OGFOD1: variants seen among roughly 807,000 people sequenced by gnomAD.
OGFOD1 encodes 2-oxoglutarate and iron dependent oxygenase domain containing 1.
A neutral mutation model predicts 67.7 loss-of-function variants in OGFOD1; 54 were observed. That is an observed-to-expected ratio of 0.80 (90% CI 0.64 to 1.00). The LOEUF is 1.00. OGFOD1 is among the 50% of genes least tolerant of loss of function. The pLI is 0.00. For missense variants in OGFOD1, 606 were observed against 646.7 expected, an observed-to-expected ratio of 0.94 and a Z score of 0.68; for synonymous variants, 221 against 227.0, an observed-to-expected ratio of 0.97 and a Z score of 0.24.
chr16:56,451,799 G>T (rs766037731), intron 1 of OGFOD1, 33 bp downstream of exon 1: 3 of 1,609,238 alleles, frequency 1.9e-6, no homozygotes, highest in Admixed American at 1.7e-5. Context: ...GGGCCGCCAC[G>T]CAGAGGTCTA....
intron 2 of OGFOD1, chr16:56,454,648 G>T (rs1476409183): frequency 6.2e-6 from 2 of 321,378 alleles, no homozygotes; most frequent in Non-Finnish European, 1.2e-5. Context: ...TTCAAATTGG[G>T]GGGGGAAAAA....
chr16:56,476,333 T>C lies in OGFOD1; in HGVS notation c.*128T>C. On this transcript the variant is annotated 3_prime_UTR_variant, in exon 13 of 13. Transcript: ENST00000566157. ...GACAGTGTTCTTAAAACTGGTTGTCTTTTACTAGGACTCATAATGATTGTC... is the reference window on the plus strand; with the variant it reads ...GACAGTGTTCTTAAAACTGGTTGTCCTTTACTAGGACTCATAATGATTGTC... 1 of 788,056 alleles carries C rather than the reference T, an allele frequency of 1.3e-6. No individual in the cohort carries two copies. The highest frequency in any genetic ancestry group is 2.0e-6 in the Non-Finnish European group (1 of 508,794). 48.8% of individuals were successfully genotyped at this position (788,056 alleles called of 1,614,324 possible).
intron 8 of OGFOD1, among the ~76,000 whole-genome samples, chr16:56,469,056 T>C (rs567993922): frequency 5.3e-5 from 8 of 152,342 alleles, no homozygotes; most frequent in East Asian, 3.9e-4. Context: ...AGAAGTATTA[T>C]AGTAAATAAA....
chr16:56,478,585 A>T lies in OGFOD1; in HGVS notation c.*2380A>T, dbSNP rs1211588537. The T allele has an allele frequency of 2.0e-5, 3 of 152,234 alleles. No individual in the cohort carries two copies. The highest frequency in any genetic ancestry group is 7.2e-5 in the African/African-American group (3 of 41,458). The allele number at this position is 152,234 out of a possible 1,614,324, so 9.4% of individuals were successfully genotyped here. Reference sequence around the variant, plus strand: ...AAGACCCAGGGAAAAGTGCTTGGGTAGGTGAAACTGTCATGTGTGCCAAGC... The same window carrying T: ...AAGACCCAGGGAAAAGTGCTTGGGTTGGTGAAACTGTCATGTGTGCCAAGC... On this transcript the variant is annotated 3_prime_UTR_variant, in exon 13 of 13. Coordinates refer to ENST00000566157, the MANE Select transcript of OGFOD1 (RefSeq NM_018233.4).
intron 2 of OGFOD1, among the ~76,000 whole-genome samples, chr16:56,457,530 A>C (rs374735900): frequency 2.0e-5 from 3 of 152,256 alleles, no homozygotes; most frequent in Admixed American, 2.0e-4. Flanking sequence ...CTTTCAAGAA[A>C]TTGAAATTAT....
In OGFOD1 at chr16:56,468,940, T is replaced by C. The variant is rs561018827; in HGVS notation, c.900+922T>C. On this transcript the variant is annotated intron_variant, in intron 8 of 12. Transcript: ENST00000566157. Reference sequence around the variant, plus strand: ...ACTTTACAGTTGACTGTGGGTCCCATGGAGCCATGGTCCCAAGAGCTATTC... The same window carrying C: ...ACTTTACAGTTGACTGTGGGTCCCACGGAGCCATGGTCCCAAGAGCTATTC... 1.6e-4 allele frequency among the ~76,000 whole-genome samples: 24 copies of C among 152,326 alleles called. No homozygotes were observed. In the South Asian group the frequency reaches 5.0e-3, roughly 32 times the overall value.
chr16:56,451,910 C>T (rs1962351876), intron 1 of OGFOD1, 144 bp downstream of exon 1: 1 of 854,738 alleles, frequency 1.2e-6, no homozygotes, highest in Non-Finnish European at 1.7e-6. Context: ...TACTCTCCTG[C>T]CTCGGCTGCT....
chr16:56,469,465 C>A (rs1178666283), intron 8 of OGFOD1, among the ~76,000 whole-genome samples: 1 of 152,112 alleles, frequency 6.6e-6, no homozygotes. Context: ...GAATGAGCCA[C>A]AATGGCACTC....
At chr16:56,475,048 C>G (rs1963394399) in intron 11 of OGFOD1, 98 bp downstream of exon 11, 1 of 1,307,952 alleles carries the variant, frequency 7.6e-7, no homozygotes, top group East Asian at 2.4e-5. Flanking sequence ...AAGTAATTTG[C>G]CTAGTTCAGA....
At position 56,453,711 on chromosome 16, in the gene OGFOD1, G is replaced by A. The variant is rs187091590; in HGVS notation, c.300+303G>A. ...TTTCTTCATCTGCAGGATGGAGAGA[G>A]TGATAATGTCTTCCCTAGGTACACA... is the stretch of plus-strand genomic sequence containing the variant. On this transcript the variant is annotated intron_variant, in intron 2 of 12. Coordinates refer to ENST00000566157, the MANE Select transcript of OGFOD1 (RefSeq NM_018233.4). 1.1e-3 allele frequency: 211 copies of A among 192,676 alleles called. 2 individuals carry two copies. The highest frequency in any genetic ancestry group is 4.6e-3 in the African/African-American group (197 of 43,118). 11.9% of individuals were successfully genotyped at this position (192,676 alleles called of 1,614,324 possible).
chr16:56,469,923 G>A, intron 8 of OGFOD1, 80 bp from the exon 9 acceptor site: 1 of 1,084,086 alleles, frequency 9.2e-7, no homozygotes, highest in Non-Finnish European at 1.4e-6. Context: ...TTGATGTTTG[G>A]CAGAGCTGCT....
At chr16:56,463,278 G>A (rs1262501641) in intron 4 of OGFOD1, among the ~76,000 whole-genome samples, 1 of 150,210 alleles carries the variant, frequency 6.7e-6, no homozygotes, top group African/African-American at 2.5e-5. Flanking sequence ...CTCATACACT[G>A]TCCTGGAAGT....
At chr16:56,456,004 C>T (rs1962511600) in intron 2 of OGFOD1, among the ~76,000 whole-genome samples, 1 of 152,174 alleles carries the variant, frequency 6.6e-6, no homozygotes, top group South Asian at 2.1e-4. Context: ...GTGTCCAGTT[C>T]CTCTCCTGTC....
intron 10 of OGFOD1, among the ~76,000 whole-genome samples, chr16:56,471,003 C>T (rs924056873): frequency 1.9e-4 from 29 of 151,974 alleles, no homozygotes; most frequent in African/African-American, 6.5e-4. Context: ...AACAAGAAAA[C>T]GTCAAGTAAT....
chr16:56,471,100 C>T (rs1963154965), intron 10 of OGFOD1, among the ~76,000 whole-genome samples: 2 of 151,690 alleles, frequency 1.3e-5, no homozygotes, highest in African/African-American at 2.4e-5. Flanking sequence ...ACCTATAATC[C>T]CAGCACTTTT....
Position 56,478,631 on chromosome 16 carries a change from C to G in OGFOD1, c.*2426C>G, listed in dbSNP as rs1187781481. On this transcript the variant is annotated 3_prime_UTR_variant, in exon 13 of 13. Transcript: ENST00000566157. ...CAAGCTTGGAAAATAGTTTGAGACT[C>G]ATGGCTGTAGGCACCATCCAAGGCC... 6.6e-6 allele frequency: 1 copy of G among 152,172 alleles called. No homozygotes were observed. The highest frequency in any genetic ancestry group is 6.5e-5 in the Admixed American group (1 of 15,286). 9.4% of individuals were successfully genotyped at this position (152,172 alleles called of 1,614,324 possible).
In OGFOD1 at chr16:56,451,642, C is replaced by T; in HGVS notation, c.30C>T (p.Gly10=). The part of the protein sequence containing the change: MNGKRPAEP[G]PARVGKKGKK... ...ATGGGAAGCGGCCAGCGGAGCCCGG[C>T]CCAGCCCGGGTGGGAAAAAAGGGAA... Residue 10 remains glycine, a synonymous_variant, in exon 1 of 13, where the codon GGC becomes GGT. Coordinates refer to ENST00000566157, the MANE Select transcript of OGFOD1 (RefSeq NM_018233.4). 1.9e-6 allele frequency: 3 copies of T among 1,613,812 alleles called. No homozygotes were observed. Among genetic ancestry groups the T allele is most frequent in the Non-Finnish European group, 2.5e-6 (3 of 1,179,990 alleles).
intron 2 of OGFOD1, chr16:56,453,778 TAGTA>T (rs1962419952): frequency 6.3e-6 from 1 of 157,836 alleles, no homozygotes; most frequent in African/African-American, 2.4e-5. Flanking sequence ...CTTGGATGTC[TAGTA>T]AGTGTCTGAC....
chr16:56,462,642 A>C lies in OGFOD1; in HGVS notation c.448+8A>C, dbSNP rs1157421657. ...CTAAATATGAATTCACTGGTAAGGA[A>C]GATAAAGGCCTGGTGTCTGTAAGAT... On this transcript the variant is annotated splice_region_variant and intron_variant, in intron 4 of 12. Coordinates refer to ENST00000566157, the MANE Select transcript of OGFOD1 (RefSeq NM_018233.4). 1 of 1,502,648 alleles carries C rather than the reference A, an allele frequency of 6.7e-7. No homozygotes were observed. The highest frequency in any genetic ancestry group is 9.3e-7 in the Non-Finnish European group (1 of 1,079,144). 93.1% of individuals were successfully genotyped at this position (1,502,648 alleles called of 1,614,324 possible).
Sources: allele counts gnomAD v4.1 joint callset (sites outside exome capture counted in the v4.1 genomes callset), GRCh38; gene constraint gnomAD v4.1.1; transcripts MANE v1.5; gene names NCBI Gene and HGNC (gene_info 2026-07-23, HGNC 2026-07-21).